EYS: variants seen among roughly 807,000 people sequenced by gnomAD.
The protein encoded by EYS is EGF-like photoreceptor maintenance factor, also known as protein eyes shut homolog.
A neutral mutation model predicts 282.1 loss-of-function variants in EYS; 250 were observed. That is an observed-to-expected ratio of 0.89 (90% CI 0.80 to 0.98). The LOEUF (loss-of-function observed/expected upper bound fraction) is 0.98, where lower values mean the gene tolerates loss of function less well. EYS is among the 50% of genes least tolerant of loss of function. EYS has a pLI of 0.00. For missense variants in EYS, 4,016 were observed against 3,709.0 expected, an observed-to-expected ratio of 1.08 and a Z score of -2.15; for synonymous variants, 1,355 against 1,282.9, an observed-to-expected ratio of 1.06 and a Z score of -1.20.
intron 2 of EYS, among the ~76,000 whole-genome samples, chr6:65,589,604 G>A (rs1275621601): frequency 2.6e-5 from 4 of 151,606 alleles, no homozygotes; most frequent in South Asian, 2.1e-4. Context: ...TGGACTTATC[G>A]CTGTATTGAA....
chr6:63,887,721 A>G (rs1773300457), intron 35 of EYS, among the ~76,000 whole-genome samples: 1 of 151,996 alleles, frequency 6.6e-6, no homozygotes, highest in South Asian at 2.1e-4. Flanking sequence ...CAAGCACAAA[A>G]CTGGGCAGCC....
chr6:64,136,413 A>C (rs763208163), intron 31 of EYS, among the ~76,000 whole-genome samples: 1 of 152,134 alleles, frequency 6.6e-6, no homozygotes, highest in African/African-American at 2.4e-5. Flanking sequence ...AAATATTCTT[A>C]ATGGCATCTA....
At chr6:64,707,106 T>TAC (rs541099764) in intron 22 of EYS, among the ~76,000 whole-genome samples, 9,070 of 112,616 alleles carry the variant, frequency 0.081, 262 homozygotes, top group South Asian at 0.11. Context: ...TATATATGCA[T>TAC]ACACACACAC....
chr6:65,100,990 T>G (rs1050657996), intron 12 of EYS, among the ~76,000 whole-genome samples: 2 of 151,132 alleles, frequency 1.3e-5, no homozygotes, highest in African/African-American at 4.8e-5. Context: ...ATTATTCCTC[T>G]CTCAAAATAT....
intron 31 of EYS, among the ~76,000 whole-genome samples, chr6:64,110,112 T>G (rs1773156414): frequency 6.6e-6 from 1 of 151,982 alleles, no homozygotes; most frequent in Non-Finnish European, 1.5e-5. Flanking sequence ...CATTGTAAAG[T>G]GCTACACGGT....
chr6:63,955,247 C>G (rs912920397), intron 35 of EYS, among the ~76,000 whole-genome samples: 1 of 152,120 alleles, frequency 6.6e-6, no homozygotes, highest in South Asian at 2.1e-4. Flanking sequence ...TCTAATCATA[C>G]TCTTATTCAC....
At chr6:64,776,681 T>C (rs180800807) in intron 22 of EYS, among the ~76,000 whole-genome samples, 73 of 152,218 alleles carry the variant, frequency 4.8e-4, no homozygotes, top group African/African-American at 1.7e-3. Flanking sequence ...TCACATATAT[T>C]TCAAATAAAA....
intron 31 of EYS, among the ~76,000 whole-genome samples, chr6:64,091,459 C>A (rs1002473326): frequency 6.6e-6 from 1 of 152,096 alleles, no homozygotes; most frequent in Non-Finnish European, 1.5e-5. Context: ...CCACTCTGTT[C>A]TGTTTTTTAT....
At chr6:64,036,498 A>G (rs1770128010) in intron 33 of EYS, among the ~76,000 whole-genome samples, 1 of 152,236 alleles carries the variant, frequency 6.6e-6, no homozygotes, top group South Asian at 2.1e-4. Context: ...ATGTGGAACA[A>G]TTTTAATCTT....
chr6:64,800,841 G>A (rs1231874558), intron 22 of EYS, among the ~76,000 whole-genome samples: 1 of 151,908 alleles, frequency 6.6e-6, no homozygotes, highest in African/African-American at 2.4e-5. Flanking sequence ...CTGCAAGCAT[G>A]GGATATATTT....
At chr6:63,924,534 T>TA (rs1379789725) in intron 35 of EYS, among the ~76,000 whole-genome samples, 2 of 152,230 alleles carry the variant, frequency 1.3e-5, no homozygotes, top group Non-Finnish European at 2.9e-5. Context: ...TGCTAACAAT[T>TA]ACTTAATGGT....
At chr6:64,097,376 C>A (rs1772663518) in intron 31 of EYS, among the ~76,000 whole-genome samples, 1 of 152,200 alleles carries the variant, frequency 6.6e-6, no homozygotes, top group African/African-American at 2.4e-5. Flanking sequence ...GAAGGCAGGC[C>A]TCCTTGAGCT....
In EYS at chr6:64,857,661, T is replaced by C. The variant is rs1033171541; in HGVS notation, c.2992+29036A>G. On this transcript the variant is annotated intron_variant, in intron 19 of 42. Transcript: ENST00000503581. Reference sequence around the variant, plus strand: ...CTGGATCATATGGCATTTCTATTTTTAGTTTTTAGAGGAACCTCCATACCA... The same window carrying C: ...CTGGATCATATGGCATTTCTATTTTCAGTTTTTAGAGGAACCTCCATACCA... Among the ~76,000 whole-genome samples the C allele has an allele frequency of 7.2e-5, 11 of 152,178 alleles. 1 individual carries two copies. The highest frequency in any genetic ancestry group is 2.2e-4 in the African/African-American group (9 of 41,460).
Position 64,388,670 on chromosome 6 carries a change from T to C in EYS, c.6078+20A>G. 6.9e-7 allele frequency: 1 copy of C among 1,452,916 alleles called. No homozygotes were observed. The highest frequency in any genetic ancestry group is 9.2e-7 in the Non-Finnish European group (1 of 1,091,420). The allele number at this position is 1,452,916 out of a possible 1,614,324, so 90.0% of individuals were successfully genotyped here. ...TAATTATTTTCAATAATTAATATTT[T>C]AAAACATCTATAGAAATACCTGGAT... On this transcript the variant is annotated intron_variant, in intron 29 of 42. Coordinates refer to ENST00000503581, the MANE Select transcript of EYS (RefSeq NM_001142800.2).
chr6:64,018,759 G>GTTTTTTTTTTTTT lies in EYS; in HGVS notation c.6726-19589_6726-19577dup, dbSNP rs1163533009. On this transcript the variant is annotated intron_variant, in intron 33 of 42. Transcript: ENST00000503581. ...GAGTGTCCTGAATGTCATCACAAGT[G>GTTTTTTTTTTTTT]TTTTTTTTTTTTTTTTTTTTTTTTT... 5.2e-4 allele frequency among the ~76,000 whole-genome samples: 28 copies of GTTTTTTTTTTTTT among 53,890 alleles called. 6 individuals carry two copies. Among genetic ancestry groups the GTTTTTTTTTTTTT allele is most frequent in the African/African-American group, 1.8e-3 (24 of 13,314 alleles). The allele number at this position is 53,890 out of a possible 152,430, so 35.4% of individuals were successfully genotyped here.
At chr6:65,370,560 C>T (rs1765103478) in intron 8 of EYS, among the ~76,000 whole-genome samples, 2 of 151,714 alleles carry the variant, frequency 1.3e-5, no homozygotes, top group Admixed American at 1.3e-4. Context: ...CTTTCTTTGA[C>T]CGACTTTTAT....
chr6:65,143,359 CA>C (rs1202361274), intron 12 of EYS, among the ~76,000 whole-genome samples: 1 of 151,348 alleles, frequency 6.6e-6, no homozygotes, highest in East Asian at 1.9e-4. Flanking sequence ...AGCTTCAAAA[CA>C]GTGGTCATCA....
At chr6:64,790,953 A>G (rs951061659) in intron 22 of EYS, among the ~76,000 whole-genome samples, 3 of 151,930 alleles carry the variant, frequency 2.0e-5, no homozygotes, top group African/African-American at 7.2e-5. Context: ...TATACTTTAG[A>G]GTTCATTTGC....
chr6:65,279,944 C>G (rs2150274273), intron 12 of EYS, among the ~76,000 whole-genome samples: 1 of 152,258 alleles, frequency 6.6e-6, no homozygotes, highest in Non-Finnish European at 1.5e-5. Flanking sequence ...GAGACAATCT[C>G]TGAATAATGA....
Sources: gnomAD v4.1 joint callset for allele counts (sites outside exome capture counted in the v4.1 genomes callset) on GRCh38, gnomAD v4.1.1 for gene constraint, MANE v1.5 for transcripts, NCBI Gene and HGNC (gene_info 2026-07-23, HGNC 2026-07-21) for gene names.